The following NDUFAF2 variants were observed in gnomAD, a reference collection of about 807,000 sequenced individuals.
The protein encoded by NDUFAF2 is NADH dehydrogenase [ubiquinone] 1 alpha subcomplex assembly factor 2.
In NDUFAF2, 13 loss-of-function variants were observed where a neutral mutation model predicts 22.8. That is an observed-to-expected ratio of 0.57 (90% confidence interval 0.37 to 0.91). The LOEUF (loss-of-function observed/expected upper bound fraction) is 0.91, where lower values mean the gene tolerates loss of function less well. NDUFAF2 is among the 40% of genes least tolerant of loss of function. The probability of loss-of-function intolerance (pLI) is 0.01; values close to 1 mark genes in which losing one functional copy is unlikely to be tolerated. For synonymous variants in NDUFAF2, 53 were observed against 64.2 expected, an observed-to-expected ratio of 0.83 and a Z score of 0.84; for missense variants, 162 against 195.2, an observed-to-expected ratio of 0.83 and a Z score of 1.01.
chr5:60,987,802 A>G (rs1346363236), intron 1 of NDUFAF2, among the ~76,000 whole-genome samples: 4 of 152,198 alleles, frequency 2.6e-5, no homozygotes, highest in African/African-American at 9.7e-5. Context: ...AACTATGACA[A>G]ACCCTCAGCC....
At chr5:61,125,030 A>G (rs2111803951) in intron 3 of NDUFAF2, among the ~76,000 whole-genome samples, 1 of 152,096 alleles carries the variant, frequency 6.6e-6, no homozygotes, top group East Asian at 1.9e-4. Flanking sequence ...ACTCACTCAC[A>G]ATCATGAGAA....
intron 3 of NDUFAF2, among the ~76,000 whole-genome samples, chr5:61,139,978 A>T (rs1741025764): frequency 6.6e-6 from 1 of 152,212 alleles, no homozygotes; most frequent in Admixed American, 6.5e-5. Flanking sequence ...AAGCTGTTTC[A>T]TCACTCAGGA....
chr5:60,951,905 T>C (rs960327764), intron 1 of NDUFAF2, among the ~76,000 whole-genome samples: 1 of 151,916 alleles, frequency 6.6e-6, no homozygotes, highest in Non-Finnish European at 1.5e-5. Flanking sequence ...CTTTGGCAGG[T>C]ATAAGACTAC....
chr5:61,125,340 A>G (rs73759475), intron 3 of NDUFAF2, among the ~76,000 whole-genome samples: 2,578 of 151,388 alleles, frequency 0.017, 77 homozygotes, highest in African/African-American at 0.059. Context: ...ATTTTTTTTT[A>G]TCATGGCAAA....
chr5:61,016,319 A>G (rs960372361), intron 1 of NDUFAF2, among the ~76,000 whole-genome samples: 21 of 152,172 alleles, frequency 1.4e-4, no homozygotes, highest in African/African-American at 4.8e-4. Flanking sequence ...AGGGAGTGGT[A>G]TGTTATATAA....
intron 1 of NDUFAF2, among the ~76,000 whole-genome samples, chr5:60,985,650 G>T (rs534896098): frequency 1.3e-5 from 2 of 152,038 alleles, no homozygotes; most frequent in South Asian, 2.1e-4. Flanking sequence ...ATTTCGTTAT[G>T]TACCCAGTAG....
At chr5:61,112,960 T>C (rs1233670039) in intron 3 of NDUFAF2, among the ~76,000 whole-genome samples, 2 of 151,914 alleles carry the variant, frequency 1.3e-5, no homozygotes, top group Non-Finnish European at 2.9e-5. Flanking sequence ...TACTGTCTTA[T>C]AACCCATTAC....
chr5:60,965,384 A>G (rs1363088062), intron 1 of NDUFAF2, among the ~76,000 whole-genome samples: 1 of 152,174 alleles, frequency 6.6e-6, no homozygotes, highest in Non-Finnish European at 1.5e-5. Context: ...TGGTGAGAAC[A>G]CTTAAGATCT....
chr5:60,980,058 A>G (rs79192678), intron 1 of NDUFAF2, among the ~76,000 whole-genome samples: 3 of 152,200 alleles, frequency 2.0e-5, no homozygotes, highest in Non-Finnish European at 2.9e-5. Flanking sequence ...GTGTACCTCA[A>G]TAAGCCAGCA....
chr5:61,078,944 T>G (rs1027032093), intron 2 of NDUFAF2, among the ~76,000 whole-genome samples: 8 of 152,210 alleles, frequency 5.3e-5, no homozygotes, highest in Non-Finnish European at 1.2e-4. Context: ...TTTGTTATTT[T>G]TCTTGTTTTT....
chr5:60,964,299 T>G (rs1750726423), intron 1 of NDUFAF2, among the ~76,000 whole-genome samples: 1 of 152,158 alleles, frequency 6.6e-6, no homozygotes, highest in Non-Finnish European at 1.5e-5. Context: ...ACAAATAAGA[T>G]GTATATATTT....
chr5:61,137,302 A>G (rs886750451), intron 3 of NDUFAF2, among the ~76,000 whole-genome samples: 1 of 152,160 alleles, frequency 6.6e-6, no homozygotes, highest in African/African-American at 2.4e-5. Flanking sequence ...TCATTCAACA[A>G]ATTATTTTTC....
intron 1 of NDUFAF2, among the ~76,000 whole-genome samples, chr5:61,031,429 G>A (rs62367905): frequency 4.6e-5 from 7 of 152,126 alleles, no homozygotes; most frequent in African/African-American, 1.7e-4. Context: ...TTCTGTGTTA[G>A]TTTGCTGAGA....
At chr5:61,049,695 G>A (rs1016023423) in intron 1 of NDUFAF2, among the ~76,000 whole-genome samples, 2 of 151,676 alleles carry the variant, frequency 1.3e-5, no homozygotes, top group African/African-American at 4.8e-5. Flanking sequence ...TGTCTTTTTT[G>A]TGTCTGGCTC....
intron 1 of NDUFAF2, among the ~76,000 whole-genome samples, chr5:61,011,819 C>T (rs544879427): frequency 1.3e-5 from 2 of 152,160 alleles, no homozygotes; most frequent in South Asian, 2.1e-4. Context: ...CCTAGCATCT[C>T]GTTATACCCG....
At chr5:61,117,047 C>A (rs1390163541) in intron 3 of NDUFAF2, among the ~76,000 whole-genome samples, 1 of 152,034 alleles carries the variant, frequency 6.6e-6, no homozygotes, top group Admixed American at 6.6e-5. Flanking sequence ...TATGTGAATC[C>A]ACAACTATAC....
At chr5:61,136,469 A>G (rs1472045031) in intron 3 of NDUFAF2, among the ~76,000 whole-genome samples, 1 of 152,110 alleles carries the variant, frequency 6.6e-6, no homozygotes, top group Non-Finnish European at 1.5e-5. Flanking sequence ...AGGTCACCAA[A>G]TACCTCTTTA....
At chr5:61,041,581 G>C (rs1751883020) in intron 1 of NDUFAF2, among the ~76,000 whole-genome samples, 1 of 152,110 alleles carries the variant, frequency 6.6e-6, no homozygotes, top group African/African-American at 2.4e-5. Flanking sequence ...TTTAAAACTT[G>C]GTAGACTTAA....
intron 3 of NDUFAF2, among the ~76,000 whole-genome samples, chr5:61,135,997 G>A (rs1483710993): frequency 2.3e-5 from 2 of 87,982 alleles, no homozygotes; most frequent in East Asian, 4.7e-4. Context: ...CTACATCTAA[G>A]CCTGTCTTTA....
Sources: gnomAD v4.1 joint callset for allele counts (sites outside exome capture counted in the v4.1 genomes callset) on GRCh38, gnomAD v4.1.1 for gene constraint, MANE v1.5 for transcripts, NCBI Gene and HGNC (gene_info 2026-07-23, HGNC 2026-07-21) for gene names.